Variants in AGBL1 observed in about 807,000 individuals in gnomAD.
AGBL1 encodes the protein AGBL carboxypeptidase 1.
Under a neutral mutation model 118.9 loss-of-function variants are expected in AGBL1, and 130 were observed. The ratio of observed to expected loss-of-function variants is 1.09; its 90% CI spans 0.95 to 1.26. The LOEUF (loss-of-function observed/expected upper bound fraction) is 1.26, where lower values mean the gene tolerates loss of function less well. Ranked by LOEUF, AGBL1 falls within the 50% of genes most tolerant of loss-of-function variation. The pLI, the probability that AGBL1 is intolerant of heterozygous loss-of-function variation, is 0.00. For missense variants in AGBL1, 1,584 were observed against 1,298.1 expected (o/e 1.22, Z -3.38); for synonymous variants, 555 against 478.9 (o/e 1.16, Z -2.08).
At chr15:86,508,484 A>G (rs546173831) in intron 18 of AGBL1, among the ~76,000 whole-genome samples, 3 of 152,264 alleles carry the variant, frequency 2.0e-5, no homozygotes, top group South Asian at 2.1e-4. Context: ...CTGGGATCAA[A>G]TTCATGCTTG....
In AGBL1 at chr15:86,462,628, C is replaced by A. The variant is rs577827474; in HGVS notation, c.2556-60182C>A. ...GGCCCTGGAGTGCGATGTTCCCCTC[C>A]CTGTGCCCATATGTTCTCACTGTTC... On this transcript the variant is annotated intron_variant, in intron 18 of 22. Coordinates refer to ENST00000614907, the MANE Select transcript of AGBL1 (RefSeq NM_001386094.1). Among the ~76,000 whole-genome samples, 125 of 152,204 alleles carry A rather than the reference C, an allele frequency of 8.2e-4. 3 individuals are homozygous for A. The Middle Eastern group carries it at 0.014, about 17-fold the overall frequency.
chr15:87,015,707 AG>A (rs1375515953), intron 24 of AGBL1, among the ~76,000 whole-genome samples: 9 of 152,324 alleles, frequency 5.9e-5, no homozygotes, highest in African/African-American at 2.2e-4. Flanking sequence ...AGCCAATTAT[AG>A]TAATTTCATC....
chr15:86,485,183 T>C (rs1285623614), intron 18 of AGBL1, among the ~76,000 whole-genome samples: 1 of 152,148 alleles, frequency 6.6e-6, no homozygotes, highest in Non-Finnish European at 1.5e-5. Context: ...ATCACTGGCA[T>C]TACCTGGAGT....
At chr15:87,005,567 T>C (rs2081489909) in intron 24 of AGBL1, among the ~76,000 whole-genome samples, 1 of 152,190 alleles carries the variant, frequency 6.6e-6, no homozygotes, top group South Asian at 2.1e-4. Context: ...TTCTCTGCAT[T>C]AGTCAATCTG....
At chr15:87,005,138 C>A (rs1217838849) in intron 24 of AGBL1, among the ~76,000 whole-genome samples, 1 of 152,112 alleles carries the variant, frequency 6.6e-6, no homozygotes, top group African/African-American at 2.4e-5. Context: ...TCCTTCATTT[C>A]AACTTTGGTG....
chr15:86,466,741 C>G (rs2082413138), intron 18 of AGBL1, among the ~76,000 whole-genome samples: 1 of 151,908 alleles, frequency 6.6e-6, no homozygotes, highest in African/African-American at 2.4e-5. Flanking sequence ...TGTATTCTAA[C>G]AGTCAGGCCC....
chr15:86,878,664 G>A (rs753895279), intron 22 of AGBL1, among the ~76,000 whole-genome samples: 6 of 152,032 alleles, frequency 3.9e-5, no homozygotes, highest in African/African-American at 1.2e-4. Flanking sequence ...ACCCAGATCT[G>A]TCCTCTACTG....
At chr15:86,861,892 G>A (rs1388951752) in intron 22 of AGBL1, among the ~76,000 whole-genome samples, 2 of 152,162 alleles carry the variant, frequency 1.3e-5, no homozygotes, top group Non-Finnish European at 2.9e-5. Context: ...ACGCAATTCT[G>A]AAGATAGCAA....
intron 23 of AGBL1, among the ~76,000 whole-genome samples, chr15:86,953,083 T>C (rs1318719552): frequency 2.6e-5 from 4 of 152,182 alleles, no homozygotes; most frequent in African/African-American, 9.6e-5. Flanking sequence ...AGTTTTATCG[T>C]TTGAAGTGGG....
At position 86,269,922 on chromosome 15, in the gene AGBL1, C is replaced by T. The variant is rs374673817; in HGVS notation, c.1842C>T (p.Phe614=). 27 of 1,613,398 alleles carry T rather than the reference C, an allele frequency of 1.7e-5. No homozygotes were observed. The African/African-American group carries it at 2.4e-4, about 14-fold the overall frequency. Residue 614 remains phenylalanine, a synonymous_variant, in exon 14 of 23, where the codon TTC becomes TTT. Coordinates refer to ENST00000614907, the MANE Select transcript of AGBL1 (RefSeq NM_001386094.1). ...NLRKAIQVRE[F]EYDLLVNADV... ...CAGTCTTGCTTCTGATCTGCAGGTTCGAGTATGACTTGCTGGTCAACGCAG... is the reference window on the plus strand; with the variant it reads ...CAGTCTTGCTTCTGATCTGCAGGTTTGAGTATGACTTGCTGGTCAACGCAG...
chr15:86,393,767 A>G (rs2081321987), intron 17 of AGBL1, among the ~76,000 whole-genome samples: 1 of 152,084 alleles, frequency 6.6e-6, no homozygotes, highest in African/African-American at 2.4e-5. Flanking sequence ...CTGAATATGT[A>G]TGTCCTCCCA....
intron 3 of AGBL1, among the ~76,000 whole-genome samples, chr15:86,146,161 C>G (rs1242473788): frequency 1.3e-5 from 2 of 152,192 alleles, no homozygotes; most frequent in Admixed American, 6.5e-5. Context: ...ATAGAGCTAT[C>G]TGTATAGTTG....
At chr15:86,631,580 G>T (rs1056302815) in intron 21 of AGBL1, among the ~76,000 whole-genome samples, 24 of 152,156 alleles carry the variant, frequency 1.6e-4, no homozygotes, top group African/African-American at 5.1e-4. Context: ...AGGCCTGCTG[G>T]CATCTTTTAT....
At position 86,902,099 on chromosome 15, in the gene AGBL1, C is replaced by T. The variant is rs150436249; in HGVS notation, c.3159-4988C>T. Among the ~76,000 whole-genome samples, 7 of 152,130 alleles carry T rather than the reference C, an allele frequency of 4.6e-5. No individual in the cohort carries two copies. In the East Asian group the frequency reaches 1.2e-3, roughly 25 times the overall value. ...TATCATGTGCAGGTTTCAGTGTGGACATAAGTTTTTATATACCTGGGTGTA... is the reference window on the plus strand; with the variant it reads ...TATCATGTGCAGGTTTCAGTGTGGATATAAGTTTTTATATACCTGGGTGTA... On this transcript the variant is annotated intron_variant, in intron 22 of 22. Transcript: ENST00000614907.
At chr15:86,925,766 TGTC>T (rs1391024568) in intron 23 of AGBL1, among the ~76,000 whole-genome samples, 1 of 150,674 alleles carries the variant, frequency 6.6e-6, no homozygotes, top group African/African-American at 2.4e-5. Context: ...AGTCTCACTC[TGTC>T]ACCCAGGCTG....
intron 24 of AGBL1, among the ~76,000 whole-genome samples, chr15:87,018,223 C>T (rs1480850162): frequency 6.6e-6 from 1 of 152,124 alleles, no homozygotes; most frequent in Non-Finnish European, 1.5e-5. Flanking sequence ...CTTCTTCAAC[C>T]TAGTAAGACA....
At chr15:86,394,571 T>A (rs2141986044) in intron 17 of AGBL1, among the ~76,000 whole-genome samples, 1 of 152,210 alleles carries the variant, frequency 6.6e-6, no homozygotes, top group East Asian at 1.9e-4. Flanking sequence ...GGTTTACTGT[T>A]CTCAAACATC....
Position 86,908,362 on chromosome 15 carries a change from A to T in AGBL1, c.*1068A>T, listed in dbSNP as rs1377735320. 6.6e-6 allele frequency: 1 copy of T among 152,168 alleles called. No individual in the cohort carries two copies. Among genetic ancestry groups the T allele is most frequent in the Non-Finnish European group, 1.5e-5 (1 of 68,032 alleles). The allele number at this position is 152,168 out of a possible 1,614,324, so 9.4% of individuals were successfully genotyped here. On this transcript the variant is annotated 3_prime_UTR_variant, in exon 23 of 23. Coordinates refer to ENST00000614907, the MANE Select transcript of AGBL1 (RefSeq NM_001386094.1). ...ACTAAACCCCATCTCTACAAAAATT[A>T]GCCAAGTGTGGTGGCGCACACCTGT...
intron 23 of AGBL1, among the ~76,000 whole-genome samples, chr15:86,963,342 A>G (rs1458669092): frequency 2.0e-5 from 3 of 152,224 alleles, no homozygotes; most frequent in Non-Finnish European, 2.9e-5. Context: ...TGTCAAGTTT[A>G]GAAATATTCT....
Sources: gnomAD v4.1 joint callset for allele counts (sites outside exome capture counted in the v4.1 genomes callset) on GRCh38, gnomAD v4.1.1 for gene constraint, MANE v1.5 for transcripts, NCBI Gene and HGNC (gene_info 2026-07-23, HGNC 2026-07-21) for gene names.